The following TADA3 variants were observed in gnomAD, a reference collection of about 807,000 sequenced individuals.
TADA3 encodes the protein transcriptional adapter 3.
Under a neutral mutation model 43.2 loss-of-function variants are expected in TADA3, and 25 were observed. The ratio of observed to expected loss-of-function variants is 0.58; its 90% confidence interval spans 0.42 to 0.81. TADA3 has a LOEUF of 0.81. Ranked by LOEUF, TADA3 falls within the 30% of genes least tolerant of loss-of-function variation. TADA3 has a pLI of 0.00. For missense variants in TADA3, 441 were observed against 567.8 expected, an observed-to-expected ratio of 0.78 and a Z score of 2.27; for synonymous variants, 235 against 225.5, an observed-to-expected ratio of 1.04 and a Z score of -0.38.
At position 9,791,769 on chromosome 3, in the gene TADA3, G is replaced by A. The variant is rs552136230; in HGVS notation, c.-27-276C>T. Among the ~76,000 whole-genome samples the A allele has an allele frequency of 4.6e-5, 7 of 152,292 alleles. No homozygotes were observed. In the South Asian group the frequency reaches 1.5e-3, roughly 32 times the overall value. On this transcript the variant is annotated intron_variant, in intron 1 of 8. Transcript: ENST00000301964. ...AAGAAACTGAGACTCTGTAAGGGTG[G>A]GTATGTGCCTATGCTTCCAAGATGC...
In TADA3 at chr3:9,787,315, G is replaced by A; in HGVS notation, c.590C>T (p.Ser197Phe). Residue 197 changes from serine to phenylalanine, a missense_variant, in exon 5 of 9, where the codon TCC (serine) becomes TTC (phenylalanine). Physicochemically the swap from Ser to Phe is radical, Grantham distance 155 (BLOSUM62 -2). Transcript: ENST00000301964. ...CAGGTCCTCCTGGGCCCAGCGCTGG[G>A]AGTAGTGCTTCCCCAGGGGTGGGAT... ...YKIPPLGKHY[S>F]QRWAQEDLLE... 1 of 1,613,454 alleles carries A rather than the reference G, an allele frequency of 6.2e-7. No homozygotes were observed. Among genetic ancestry groups the A allele is most frequent in the Non-Finnish European group, 8.5e-7 (1 of 1,179,692 alleles).
chr3:9,783,964 G>A, intron 8 of TADA3, 64 bp downstream of exon 8: 5 of 1,534,110 alleles, frequency 3.3e-6, no homozygotes, highest in Non-Finnish European at 4.4e-6. Flanking sequence ...CCCCTGAAAG[G>A]TGACTAGCCG....
chr3:9,784,223 G>A lies in TADA3; in HGVS notation c.921-10C>T. 1 of 1,597,794 alleles carries A rather than the reference G, an allele frequency of 6.3e-7. No homozygotes were observed. Among genetic ancestry groups the A allele is most frequent in the South Asian group, 1.1e-5 (1 of 90,670 alleles). On this transcript the variant is annotated splice_polypyrimidine_tract_variant and intron_variant, in intron 7 of 8. Transcript: ENST00000301964. ...CTTAGTATGCGGCACACTGCAGCGG[G>A]AGGCAGGCCCGTCAGACTCAAGAGC...
chr3:9,786,004 T>C (rs1457595622), intron 6 of TADA3, among the ~76,000 whole-genome samples: 2 of 151,826 alleles, frequency 1.3e-5, no homozygotes, highest in Non-Finnish European at 2.9e-5. Context: ...AGTGGCACAA[T>C]TTCGGCTTAC....
upstream of TADA3, chr3:9,792,951 A>G: frequency 7.1e-7 from 1 of 1,412,522 alleles, no homozygotes; most frequent in Non-Finnish European, 9.2e-7. Context: ...CCTAGGTGGA[A>G]AACTTCCGGA....
intron 4 of TADA3, among the ~76,000 whole-genome samples, chr3:9,788,851 T>G (rs1449390996): frequency 6.6e-6 from 1 of 151,410 alleles, no homozygotes; most frequent in Non-Finnish European, 1.5e-5. Context: ...TTTTTTTTTT[T>G]TGGAGACGGA....
chr3:9,788,870 C>G lies in TADA3; in HGVS notation c.564+639G>C, dbSNP rs573315356. 1.7e-3 allele frequency among the ~76,000 whole-genome samples: 258 copies of G among 149,764 alleles called. 2 individuals are homozygous for G. The highest frequency in any genetic ancestry group is 6.1e-3 in the African/African-American group (249 of 40,694). The stretch of plus-strand genomic sequence containing the variant: ...TTTTTTTTGGAGACGGAGTCTTGCT[C>G]TGTTGCCCAGGCTGGAGTGCAGTGG... On this transcript the variant is annotated intron_variant, in intron 4 of 8. Coordinates refer to ENST00000301964, the MANE Select transcript of TADA3 (RefSeq NM_006354.5).
At chr3:9,787,452 A>C in intron 4 of TADA3, 112 bp from the exon 5 acceptor site, 1 of 1,419,098 alleles carries the variant, frequency 7.0e-7, no homozygotes, top group Non-Finnish European at 9.4e-7. Flanking sequence ...GTCCAAGGCC[A>C]AGCCCAGTGT....
Position 9,792,367 on chromosome 3 carries a change from A to T in TADA3, c.-179T>A. ...AGTCCTCGTTCTCTAGGGACACCCT[A>T]GTGCGACCCCCGCCCCCTCTACCTC... On this transcript the variant is annotated 5_prime_UTR_variant, in exon 1 of 9. Coordinates refer to ENST00000301964, the MANE Select transcript of TADA3 (RefSeq NM_006354.5). 2.2e-6 allele frequency: 1 copy of T among 463,390 alleles called. No homozygotes were observed. The highest frequency in any genetic ancestry group is 2.9e-6 in the Non-Finnish European group (1 of 345,710). The allele number at this position is 463,390 out of a possible 1,614,324, so 28.7% of individuals were successfully genotyped here.
At chr3:9,792,941 C>T (rs1189473546), upstream of TADA3, 4 of 1,414,886 alleles carry the variant, frequency 2.8e-6, no homozygotes, top group Non-Finnish European at 3.7e-6. Context: ...CCGAGACAGC[C>T]CTAGGTGGAA....
intron 4 of TADA3, chr3:9,787,675 A>AT (rs1468935813): frequency 1.3e-5 from 18 of 1,357,410 alleles, no homozygotes; most frequent in Middle Eastern, 3.9e-4. Flanking sequence ...GTGACAGGGA[A>AT]TTACCTTTTG....
chr3:9,784,130 G>A lies in TADA3; in HGVS notation c.1004C>T (p.Ala335Val). 1 of 1,614,222 alleles carries A rather than the reference G, an allele frequency of 6.2e-7. No individual in the cohort carries two copies. The highest frequency in any genetic ancestry group is 8.5e-7 in the Non-Finnish European group (1 of 1,180,040). The change falls in exon 8 of 9, where the codon GCA becomes GTA. Residue 335 changes from alanine (A) to valine (V), a missense_variant. By Grantham distance (64) the Ala-to-Val change is moderately conservative. Coordinates refer to ENST00000301964, the MANE Select transcript of TADA3 (RefSeq NM_006354.5). Reference protein sequence around the residue: ...QGLLESEDRPAEDSEDEVLAE... With the variant: ...QGLLESEDRPVEDSEDEVLAE... ...AAGGACCTCATCCTCGGAGTCCTCT[G>A]CGGGGCGGTCCTCAGACTCCAAAAG...
intron 4 of TADA3, among the ~76,000 whole-genome samples, chr3:9,788,820 G>A (rs7627624): frequency 2.2e-3 from 328 of 151,344 alleles, no homozygotes; most frequent in African/African-American, 7.5e-3. Context: ...GATTACAGGC[G>A]TGAGGTGACT....
intron 8 of TADA3, 113 bp downstream of exon 8, chr3:9,783,915 A>C: frequency 7.0e-7 from 1 of 1,418,556 alleles, no homozygotes; most frequent in Non-Finnish European, 9.2e-7. Flanking sequence ...TCTCCAGGTG[A>C]TTTAGAGGCC....
At position 9,791,268 on chromosome 3, in the gene TADA3, C is replaced by T. The variant is rs2078725590; in HGVS notation, c.199G>A (p.Glu67Lys). The T allele has an allele frequency of 1.2e-6, 2 of 1,611,584 alleles. No individual in the cohort carries two copies. Among genetic ancestry groups the T allele is most frequent in the Non-Finnish European group, 1.7e-6 (2 of 1,179,474 alleles). ...CTCTCTGGGGTTATCACCTGGGTTT[C>T]GGCCTCAAGCACACGCAGGCGCCGG... ...ASRRLRVLEA[E>K]TQILTDWQDK... is the part of the protein sequence containing the mutation. Residue 67 changes from glutamate (E) to lysine (K), a missense_variant, in exon 2 of 9, where the codon GAA becomes AAA. Transcript: ENST00000301964.
intron 7 of TADA3, 62 bp downstream of exon 7, chr3:9,785,254 G>A (rs2078579854): frequency 1.7e-5 from 23 of 1,357,352 alleles, no homozygotes; most frequent in Non-Finnish European, 2.3e-5. Flanking sequence ...CCCAGGTTGA[G>A]ATGGAGAGAA....
chr3:9,780,673 G>A lies in TADA3; in HGVS notation c.1107-124C>T, dbSNP rs542062564. On this transcript the variant is annotated intron_variant, in intron 8 of 8. Transcript: ENST00000301964. ...TGCCTGTGGATTGTGTCATACAGTC[G>A]TGACCAAAAAGCAGTTACTGACCTA... 2.3e-4 allele frequency: 236 copies of A among 1,007,742 alleles called. 3 individuals carry two copies. In the South Asian group the frequency reaches 3.7e-3, roughly 16 times the overall value. The allele number at this position is 1,007,742 out of a possible 1,614,324, so 62.4% of individuals were successfully genotyped here.
Position 9,789,562 on chromosome 3 carries a change from G to A in TADA3, c.511C>T (p.Arg171Cys), listed in dbSNP as rs201406757. The change falls in exon 4 of 9, where the codon CGC becomes TGC. Residue 171 changes from arginine to cysteine, a missense_variant. Coordinates refer to ENST00000301964, the MANE Select transcript of TADA3 (RefSeq NM_006354.5). ...YCADITSEEVRTLEELLKPPE... is the reference protein window; with the variant it reads ...YCADITSEEVCTLEELLKPPE... ...GGCTTCAGTAACTCCTCAAGTGTGCGGACCTCCTCGCTGGTGATGTCAGCA... is the reference window on the plus strand; with the variant it reads ...GGCTTCAGTAACTCCTCAAGTGTGCAGACCTCCTCGCTGGTGATGTCAGCA... 6.1e-4 allele frequency: 977 copies of A among 1,614,106 alleles called. 2 individuals are homozygous for A. Among genetic ancestry groups the A allele is most frequent in the South Asian group, 2.9e-3 (261 of 91,084 alleles).
upstream of TADA3, chr3:9,792,586 G>C: frequency 8.1e-7 from 1 of 1,230,046 alleles, no homozygotes; most frequent in Non-Finnish European, 1.0e-6. Flanking sequence ...AGCCGCTAGA[G>C]GTGGGGTGCG....
Sources: gnomAD v4.1 joint callset for allele counts (sites outside exome capture counted in the v4.1 genomes callset) on GRCh38, gnomAD v4.1.1 for gene constraint, MANE v1.5 for transcripts, NCBI Gene and HGNC (gene_info 2026-07-23, HGNC 2026-07-21) for gene names.